RNF115: variants seen among roughly 807,000 people sequenced by gnomAD.
RNF115 encodes the protein ring finger protein 115, also known as E3 ubiquitin-protein ligase RNF115.
Under a neutral mutation model 39.2 loss-of-function variants are expected in RNF115, and 31 were observed. That is an observed-to-expected ratio of 0.79 (90% CI 0.59 to 1.07). The LOEUF is 1.07. Ranked by LOEUF, RNF115 falls within the 50% of genes least tolerant of loss-of-function variation. RNF115 has a pLI of 0.00. For missense variants in RNF115, 384 were observed against 381.7 expected, an observed-to-expected ratio of 1.01 and a Z score of -0.05; for synonymous variants, 124 against 131.0, an observed-to-expected ratio of 0.95 and a Z score of 0.37.
chr1:145,795,838 TCTG>T (rs1467906083), intron 1 of RNF115, among the ~76,000 whole-genome samples: 5 of 152,336 alleles, frequency 3.3e-5, no homozygotes, highest in African/African-American at 4.8e-5. Context: ...TCCCAAATGC[TCTG>T]CTAATTATTC....
At chr1:145,787,280 A>C (rs1402102935) in intron 2 of RNF115, among the ~76,000 whole-genome samples, 2 of 152,220 alleles carry the variant, frequency 1.3e-5, no homozygotes, top group African/African-American at 4.8e-5. Flanking sequence ...AATTTATTAA[A>C]ATTTTAAGTT....
chr1:145,798,750 G>A (rs1553720439), intron 1 of RNF115, among the ~76,000 whole-genome samples: 1 of 148,884 alleles, frequency 6.7e-6, no homozygotes. Context: ...GATCGCTTTG[G>A]GAAGAATTCA....
intron 7 of RNF115, among the ~76,000 whole-genome samples, chr1:145,748,883 C>A (rs1322571069): frequency 1.1e-3 from 153 of 136,320 alleles, no homozygotes; most frequent in African/African-American, 1.4e-3. Flanking sequence ...GACTCTGTCT[C>A]AAAAAAAAAA....
intron 4 of RNF115, among the ~76,000 whole-genome samples, chr1:145,760,591 G>A (rs1165787485): frequency 3.3e-5 from 5 of 152,100 alleles, no homozygotes; most frequent in African/African-American, 7.2e-5. Context: ...TTCTCTTGCC[G>A]CCGCCATGTA....
chr1:145,799,738 G>A lies in RNF115; in HGVS notation c.103-10772C>T, dbSNP rs116121274. 8.7e-3 allele frequency among the ~76,000 whole-genome samples: 1,331 copies of A among 152,244 alleles called. 20 individuals are homozygous for A. Among genetic ancestry groups the A allele is most frequent in the African/African-American group, 0.031 (1,267 of 41,536 alleles). ...GTCCCAAGTAGCTAGGACTATAGGC[G>A]TACATCACCATGCCTGGCTAATTGT... On this transcript the variant is annotated intron_variant, in intron 1 of 8. Coordinates refer to ENST00000582693, the MANE Select transcript of RNF115 (RefSeq NM_014455.4).
chr1:145,758,964 A>G (rs1416306926), intron 4 of RNF115, among the ~76,000 whole-genome samples: 1 of 152,242 alleles, frequency 6.6e-6, no homozygotes, highest in Non-Finnish European at 1.5e-5. Flanking sequence ...AAGATAGTGT[A>G]TACATTTAAT....
chr1:145,766,049 G>C (rs587768432), intron 4 of RNF115, among the ~76,000 whole-genome samples: 1 of 151,794 alleles, frequency 6.6e-6, no homozygotes, highest in Non-Finnish European at 1.5e-5. Context: ...CTCGCAGAGG[G>C]AGATTTGGCA....
intron 6 of RNF115, 122 bp downstream of exon 6, chr1:145,751,316 A>G (rs1658077810): frequency 1.5e-6 from 1 of 674,742 alleles, no homozygotes. Context: ...TGGAAACCCC[A>G]AAGCTCAAAA....
intron 1 of RNF115, among the ~76,000 whole-genome samples, chr1:145,806,626 A>G (rs1553721610): frequency 6.6e-6 from 1 of 152,098 alleles, no homozygotes; most frequent in Non-Finnish European, 1.5e-5. Flanking sequence ...CCTTACAGGA[A>G]TGAGTGATGT....
intron 4 of RNF115, among the ~76,000 whole-genome samples, chr1:145,755,433 T>C (rs1553713055): frequency 6.6e-6 from 1 of 152,072 alleles, no homozygotes; most frequent in East Asian, 1.9e-4. Context: ...ACTGCAGCAA[T>C]GGCCAACATC....
chr1:145,787,092 C>T (rs782162008), intron 2 of RNF115: 101 of 1,160,948 alleles, frequency 8.7e-5, no homozygotes, highest in Non-Finnish European at 1.1e-4. Flanking sequence ...AAGGAATTAC[C>T]TACTGCCATT....
chr1:145,748,225 A>G, intron 7 of RNF115, 115 bp from the exon 8 acceptor site: 1 of 706,048 alleles, frequency 1.4e-6, no homozygotes. Flanking sequence ...AAGAGACAAA[A>G]GAAAATGTAC....
intron 3 of RNF115, among the ~76,000 whole-genome samples, chr1:145,774,412 C>T (rs2799107): frequency 0.29 from 43,960 of 151,418 alleles, 7,252 homozygotes; most frequent in Non-Finnish European, 0.37. Flanking sequence ...TGCAGTGGCA[C>T]GATCTCGGCT....
intron 4 of RNF115, among the ~76,000 whole-genome samples, chr1:145,759,808 C>T (rs1271669372): frequency 6.6e-6 from 1 of 152,150 alleles, no homozygotes; most frequent in African/African-American, 2.4e-5. Flanking sequence ...TCAACTTCTC[C>T]TACCATTCCC....
intron 3 of RNF115, chr1:145,772,209 T>A (rs1418999954): frequency 1.3e-5 from 3 of 236,350 alleles, no homozygotes; most frequent in Non-Finnish European, 2.4e-5. Flanking sequence ...GCACTTGATG[T>A]CACAGGACTT....
chr1:145,761,833 C>T (rs1331300004), intron 4 of RNF115, among the ~76,000 whole-genome samples: 1 of 152,222 alleles, frequency 6.6e-6, no homozygotes, highest in Non-Finnish European at 1.5e-5. Flanking sequence ...GGAAAAGCCA[C>T]AGACACTCAA....
chr1:145,797,830 A>G (rs1366178451), intron 1 of RNF115, among the ~76,000 whole-genome samples: 1 of 152,170 alleles, frequency 6.6e-6, no homozygotes, highest in African/African-American at 2.4e-5. Flanking sequence ...GTTTTTTAAT[A>G]GTAGCCATCC....
rs587608745 is a variant in RNF115, at chr1:145,752,218, T to C, written c.501-708A>G. The stretch of plus-strand genomic sequence containing the variant: ...CCATCATACATAAGTGTCACTCTGA[T>C]ACTGAATTACAGCCTATTGTTTCTT... On this transcript the variant is annotated intron_variant, in intron 5 of 8. Coordinates refer to ENST00000582693, the MANE Select transcript of RNF115 (RefSeq NM_014455.4). Among the ~76,000 whole-genome samples, 8 of 152,314 alleles carry C rather than the reference T, an allele frequency of 5.3e-5. No individual in the cohort carries two copies. In the East Asian group the frequency reaches 1.5e-3, roughly 29 times the overall value.
rs587758214 is a variant in RNF115 at position 145,746,703 on chromosome 1, A to G, written c.*163T>C. 1 of 666,312 alleles carries G rather than the reference A, an allele frequency of 1.5e-6. No homozygotes were observed. The highest frequency in any genetic ancestry group is 2.5e-6 in the Non-Finnish European group (1 of 404,588). The allele number at this position is 666,312 out of a possible 1,614,324, so 41.3% of individuals were successfully genotyped here. ...GTTGTAGATACAATTCCATCTGTAGATACTAACTTTAAATTTAAAGAAGAA... is the reference window on the plus strand; with the variant it reads ...GTTGTAGATACAATTCCATCTGTAGGTACTAACTTTAAATTTAAAGAAGAA... On this transcript the variant is annotated 3_prime_UTR_variant, in exon 9 of 9. Transcript: ENST00000582693.
Sources: gnomAD v4.1 joint callset for allele counts (sites outside exome capture counted in the v4.1 genomes callset) on GRCh38, gnomAD v4.1.1 for gene constraint, MANE v1.5 for transcripts, NCBI Gene and HGNC (gene_info 2026-07-23, HGNC 2026-07-21) for gene names.